Variants in CSMD3 observed in about 807,000 individuals in gnomAD.
CSMD3 encodes CUB and Sushi multiple domains 3, also known as CUB and sushi domain-containing protein 3.
Under a neutral mutation model 435.2 loss-of-function variants are expected in CSMD3, and 177 were observed. The ratio of observed to expected loss-of-function variants is 0.41; its 90% CI spans 0.36 to 0.46. The LOEUF (loss-of-function observed/expected upper bound fraction) is 0.46. Among genes scored for constraint, CSMD3 ranks in the 20% least tolerant of loss-of-function variants. The pLI is 0.34. For synonymous variants in CSMD3, 1,656 were observed against 1,520.5 expected (o/e 1.09, Z -2.07); for missense variants, 4,265 against 4,504.6 (o/e 0.95, Z 1.52).
intron 4 of CSMD3, among the ~76,000 whole-genome samples, chr8:113,161,498 A>G (rs1003567502): frequency 3.9e-5 from 6 of 152,118 alleles, no homozygotes; most frequent in African/African-American, 9.6e-5. Flanking sequence ...TAAATATATG[A>G]CATGCTATTA....
At chr8:112,436,065 G>T (rs1344660988) in intron 32 of CSMD3, among the ~76,000 whole-genome samples, 1 of 151,876 alleles carries the variant, frequency 6.6e-6, no homozygotes. Flanking sequence ...CATAATGATT[G>T]TCAAATAGAG....
At chr8:112,359,569 A>T (rs1331974626) in intron 38 of CSMD3, among the ~76,000 whole-genome samples, 1 of 152,136 alleles carries the variant, frequency 6.6e-6, no homozygotes, top group East Asian at 1.9e-4. Flanking sequence ...TATGCAAAGG[A>T]AAGCTATCTA....
chr8:113,428,830 A>C (rs1400459308), intron 1 of CSMD3, among the ~76,000 whole-genome samples: 2 of 151,888 alleles, frequency 1.3e-5, no homozygotes, highest in Non-Finnish European at 3.0e-5. Context: ...AAATAAGTCT[A>C]CTTTTATAGA....
intron 3 of CSMD3, among the ~76,000 whole-genome samples, chr8:113,273,262 T>C (rs2093543870): frequency 6.6e-6 from 1 of 152,068 alleles, no homozygotes; most frequent in South Asian, 2.1e-4. Context: ...TTAGTTTCCT[T>C]TGTCTAACGC....
intron 64 of CSMD3, among the ~76,000 whole-genome samples, chr8:112,245,986 A>C (rs1476689648): frequency 1.3e-5 from 2 of 152,188 alleles, no homozygotes; most frequent in Non-Finnish European, 1.5e-5. Flanking sequence ...TCACAGTGAC[A>C]GACGCTGTTT....
chr8:113,094,110 A>C (rs2090091130), intron 5 of CSMD3, among the ~76,000 whole-genome samples: 1 of 152,162 alleles, frequency 6.6e-6, no homozygotes, highest in African/African-American at 2.4e-5. Context: ...ATGTATTAAA[A>C]TGTCTTTCTG....
At chr8:112,496,862 AGAATGAATAAGATC>A (rs1821405332) in intron 30 of CSMD3, among the ~76,000 whole-genome samples, 1 of 152,004 alleles carries the variant, frequency 6.6e-6, no homozygotes, top group Non-Finnish European at 1.5e-5. Flanking sequence ...ATAATTAAAA[AGAATGAATAAGATC>A]CAGTATTTGA....
At chr8:113,427,761 C>A (rs554649454) in intron 1 of CSMD3, among the ~76,000 whole-genome samples, 206 of 151,700 alleles carry the variant, frequency 1.4e-3, no homozygotes, top group African/African-American at 4.8e-3. Context: ...ACATTTCCTG[C>A]CTAGTAAACA....
chr8:113,354,930 C>T (rs891629216), intron 1 of CSMD3, among the ~76,000 whole-genome samples: 6 of 152,146 alleles, frequency 3.9e-5, no homozygotes, highest in South Asian at 2.1e-4. Context: ...TGAGCCACCA[C>T]GCCCAACCAA....
At chr8:112,666,528 T>G in intron 16 of CSMD3, 113 bp from the exon 17 acceptor site, 1 of 875,078 alleles carries the variant, frequency 1.1e-6, no homozygotes, top group South Asian at 1.5e-5. Context: ...ATTAAATAGT[T>G]AATACTATTT....
chr8:113,287,304 C>A (rs1402278777), intron 2 of CSMD3, among the ~76,000 whole-genome samples: 1 of 151,898 alleles, frequency 6.6e-6, no homozygotes, highest in Non-Finnish European at 1.5e-5. Flanking sequence ...ACAGAGAATT[C>A]TCTGCTGAAA....
intron 22 of CSMD3, among the ~76,000 whole-genome samples, chr8:112,595,521 A>G (rs1269916220): frequency 5.1e-5 from 4 of 78,804 alleles, no homozygotes; most frequent in African/African-American, 2.6e-4. Flanking sequence ...AGAACGCCAT[A>G]AAGATACTCC....
Position 113,163,483 on chromosome 8 carries a change from T to A in CSMD3, c.709+10239A>T, listed in dbSNP as rs868045125. ...TTAGAAATTAGTGCTAAGTATAAAT[T>A]TTTTTGTTAACTAAATTAATATTGA... On this transcript the variant is annotated intron_variant, in intron 4 of 70. Transcript: ENST00000297405. 2.0e-5 allele frequency among the ~76,000 whole-genome samples: 3 copies of A among 150,640 alleles called. No individual in the cohort carries two copies. The South Asian group carries it at 6.3e-4, about 31-fold the overall frequency.
intron 13 of CSMD3, among the ~76,000 whole-genome samples, chr8:112,712,269 C>T (rs1313447857): frequency 6.6e-6 from 1 of 152,116 alleles, no homozygotes; most frequent in Non-Finnish European, 1.5e-5. Flanking sequence ...CAATAAAAAA[C>T]ACCTTGTAAG....
chr8:112,780,409 C>T (rs561632031), intron 13 of CSMD3, among the ~76,000 whole-genome samples: 1 of 152,102 alleles, frequency 6.6e-6, no homozygotes, highest in East Asian at 1.9e-4. Context: ...CAAAGTAAGG[C>T]AGCTGAATAG....
chr8:112,492,407 T>C, intron 31 of CSMD3, 82 bp downstream of exon 31: 1 of 1,034,110 alleles, frequency 9.7e-7, no homozygotes, highest in Non-Finnish European at 1.5e-6. Flanking sequence ...GAATAGTTGA[T>C]GTTCTGAAAC....
chr8:113,280,296 A>G (rs1031681478), intron 2 of CSMD3, among the ~76,000 whole-genome samples: 1 of 151,598 alleles, frequency 6.6e-6, no homozygotes, highest in Non-Finnish European at 1.5e-5. Flanking sequence ...CTGGTCTTGG[A>G]CTTTTTTTCG....
chr8:112,494,500 TTTCTTTCTTTC>T (rs1821076381), intron 30 of CSMD3, among the ~76,000 whole-genome samples: 1 of 33,288 alleles, frequency 3.0e-5, no homozygotes, highest in East Asian at 4.7e-4. Flanking sequence ...CTCTCCTTTC[TTTCTTTCTTTC>T]TTTCTTTCTT....
intron 32 of CSMD3, among the ~76,000 whole-genome samples, chr8:112,467,674 G>C (rs1029421882): frequency 2.6e-5 from 4 of 152,128 alleles, no homozygotes; most frequent in African/African-American, 7.2e-5. Flanking sequence ...TATTGGAGTA[G>C]AGTGGGCCCT....
Sources: allele counts gnomAD v4.1 joint callset (sites outside exome capture counted in the v4.1 genomes callset), GRCh38; gene constraint gnomAD v4.1.1; transcripts MANE v1.5; gene names NCBI Gene and HGNC (gene_info 2026-07-23, HGNC 2026-07-21).